Variants in WT1 observed in about 807,000 individuals in gnomAD.
The protein encoded by WT1 is WT1 transcription factor, also known as Wilms tumor protein.
A neutral mutation model predicts 60.8 loss-of-function variants in WT1; 8 were observed. The ratio of observed to expected loss-of-function variants is 0.13; its 90% CI spans 0.08 to 0.24. The LOEUF is 0.24. Ranked by LOEUF, WT1 falls within the 10% of genes least tolerant of loss-of-function variation. WT1 has a pLI of 1.00. For missense variants in WT1, 568 were observed against 711.8 expected, an observed-to-expected ratio of 0.80 and a Z score of 2.30; for synonymous variants, 312 against 297.1, an observed-to-expected ratio of 1.05 and a Z score of -0.52.
chr11:32,406,361 G>A (rs1852309168), intron 5 of WT1, among the ~76,000 whole-genome samples: 1 of 152,120 alleles, frequency 6.6e-6, no homozygotes, highest in Non-Finnish European at 1.5e-5. Context: ...ATGCTGCCAT[G>A]AGAATCTAAT....
At chr11:32,403,946 C>T (rs1476177293) in intron 5 of WT1, among the ~76,000 whole-genome samples, 1 of 151,904 alleles carries the variant, frequency 6.6e-6, no homozygotes, top group East Asian at 1.9e-4. Flanking sequence ...GCCTTGAATA[C>T]AAAGACTCTC....
chr11:32,418,274 A>G (rs961790549), intron 3 of WT1, among the ~76,000 whole-genome samples: 1 of 150,552 alleles, frequency 6.6e-6, no homozygotes, highest in African/African-American at 2.4e-5. Context: ...CCAGTTCTAT[A>G]AGACTCTATG....
chr11:32,388,743 G>T lies in WT1; in HGVS notation c.*315C>A. The T allele has an allele frequency of 2.2e-6, 1 of 458,854 alleles. No homozygotes were observed. Among genetic ancestry groups the T allele is most frequent in the Non-Finnish European group, 4.0e-6 (1 of 250,678 alleles). 28.4% of individuals were successfully genotyped at this position (458,854 alleles called of 1,614,324 possible). ...ACGAGCATAAAAAAAGAAGGGAAGG[G>T]TCAGGGGGACATGATCAGCTATGGC... On this transcript the variant is annotated 3_prime_UTR_variant, in exon 10 of 10. Transcript: ENST00000452863.
At chr11:32,430,659 C>T (rs1415098577) in intron 1 of WT1, 11 of 1,478,426 alleles carry the variant, frequency 7.4e-6, no homozygotes, top group Non-Finnish European at 9.9e-6. Flanking sequence ...ACTCTCGAGA[C>T]GTCCGTCCGC....
At position 32,389,066 on chromosome 11, in the gene WT1, C is replaced by G. The variant is rs1851742668; in HGVS notation, c.1561G>C (p.Ala521Pro). The G allele has an allele frequency of 6.2e-7, 1 of 1,614,228 alleles. No homozygotes were observed. Among genetic ancestry groups the G allele is most frequent in the Non-Finnish European group, 8.5e-7 (1 of 1,180,028 alleles). Residue 521 changes from alanine (A) to proline (P), a missense_variant, in exon 10 of 10, where the codon GCG becomes CCG. Coordinates refer to ENST00000452863, the MANE Select transcript of WT1 (RefSeq NM_024426.6). ...TCCCCGAGGGAGACCCCTCAAAGCG[C>G]CAGCTGGAGTTTGGTCATGTTTCTC...
At chr11:32,430,395 G>C in intron 1 of WT1, 1 of 1,290,976 alleles carries the variant, frequency 7.7e-7, no homozygotes, top group African/African-American at 1.6e-5. Context: ...TTTCTGAAAG[G>C]ACACTAAAAA....
intron 1 of WT1, 53 bp downstream of exon 1, chr11:32,434,647 G>A: frequency 6.2e-7 from 1 of 1,611,256 alleles, no homozygotes; most frequent in Admixed American, 1.7e-5. Flanking sequence ...CTAGAGCGGA[G>A]AGTCCCTGGC....
intron 3 of WT1, among the ~76,000 whole-genome samples, chr11:32,426,925 C>T (rs933414872): frequency 6.6e-6 from 1 of 152,162 alleles, no homozygotes; most frequent in Non-Finnish European, 1.5e-5. Flanking sequence ...GGCGCGGCCA[C>T]TCCCCCACCC....
chr11:32,420,554 T>A (rs1381317736), intron 3 of WT1, among the ~76,000 whole-genome samples: 7 of 152,096 alleles, frequency 4.6e-5, no homozygotes, highest in Non-Finnish European at 1.0e-4. Context: ...TAATTCTGAG[T>A]CCCCATTTAT....
In WT1 at chr11:32,400,025, T is replaced by A. The variant is rs121907908; in HGVS notation, c.1036A>T (p.Ser346Cys). The change falls in exon 6 of 10, where the codon AGC (serine) becomes TGC (cysteine). Residue 346 changes from serine (S) to cysteine (C), a missense_variant. Coordinates refer to ENST00000452863, the MANE Select transcript of WT1 (RefSeq NM_024426.6). ...AGGATGGGCGTTGTGTGGTTATCGCTCTCGTACCCTGTGCTGTGGCTGCAA... is the reference window on the plus strand; with the variant it reads ...AGGATGGGCGTTGTGTGGTTATCGCACTCGTACCCTGTGCTGTGGCTGCAA... The A allele has an allele frequency of 1.2e-6, 2 of 1,614,042 alleles. No homozygotes were observed. The highest frequency in any genetic ancestry group is 2.2e-5 in the East Asian group (1 of 44,894).
intron 3 of WT1, among the ~76,000 whole-genome samples, chr11:32,420,200 A>G (rs149983242): frequency 1.3e-5 from 2 of 152,284 alleles, no homozygotes; most frequent in African/African-American, 4.8e-5. Context: ...TTAATTCCAC[A>G]GCTTCTTATT....
chr11:32,416,565 G>A (rs1168212014), intron 4 of WT1, 25 bp from the exon 5 acceptor site: 1 of 1,614,038 alleles, frequency 6.2e-7, no homozygotes, highest in Admixed American at 1.7e-5. Flanking sequence ...GAGGTGGGGA[G>A]TGGGGAATGG....
At chr11:32,425,421 T>C (rs1853001366) in intron 3 of WT1, among the ~76,000 whole-genome samples, 1 of 152,082 alleles carries the variant, frequency 6.6e-6, no homozygotes, top group African/African-American at 2.4e-5. Flanking sequence ...TTAGTCCTAT[T>C]TTTTATGCTT....
At chr11:32,392,540 G>T in intron 8 of WT1, 126 bp downstream of exon 8, 1 of 940,828 alleles carries the variant, frequency 1.1e-6, no homozygotes, top group Non-Finnish European at 1.7e-6. Flanking sequence ...ATTATGGGGG[G>T]AAAATACTGG....
At chr11:32,422,305 A>T (rs925748368) in intron 3 of WT1, among the ~76,000 whole-genome samples, 3 of 152,262 alleles carry the variant, frequency 2.0e-5, no homozygotes, top group Non-Finnish European at 4.4e-5. Flanking sequence ...CTTGGTCAGC[A>T]CAAAAGTTAC....
chr11:32,415,504 C>T (rs543422163), intron 5 of WT1, among the ~76,000 whole-genome samples: 5 of 152,268 alleles, frequency 3.3e-5, no homozygotes, highest in Admixed American at 6.5e-5. Context: ...CAAAATTAGC[C>T]GGGCGTGGTG....
At chr11:32,405,690 T>G (rs1306532872) in intron 5 of WT1, among the ~76,000 whole-genome samples, 1 of 152,144 alleles carries the variant, frequency 6.6e-6, no homozygotes, top group African/African-American at 2.4e-5. Flanking sequence ...ACTTCCCGCA[T>G]CAGACTGATG....
At chr11:32,407,601 G>C (rs1449199695) in intron 5 of WT1, among the ~76,000 whole-genome samples, 1 of 151,972 alleles carries the variant, frequency 6.6e-6, no homozygotes, top group Non-Finnish European at 1.5e-5. Context: ...AAGCACCTGG[G>C]GACATTCAAA....
intron 7 of WT1, among the ~76,000 whole-genome samples, chr11:32,395,006 AC>A (rs1298235861): frequency 6.6e-6 from 1 of 152,246 alleles, no homozygotes; most frequent in African/African-American, 2.4e-5. Context: ...ATGTGTAAAA[AC>A]ATAACATGCC....
Sources: allele counts gnomAD v4.1 joint callset (sites outside exome capture counted in the v4.1 genomes callset), GRCh38; gene constraint gnomAD v4.1.1; transcripts MANE v1.5; gene names NCBI Gene and HGNC (gene_info 2026-07-23, HGNC 2026-07-21).